The following LTA4H variants were observed in gnomAD, a reference collection of about 807,000 sequenced individuals.
The protein encoded by LTA4H is leukotriene A4 hydrolase.
Under a neutral mutation model 89.8 loss-of-function variants are expected in LTA4H, and 59 were observed. The observed-to-expected ratio is 0.66, with a 90% CI of 0.53 to 0.82. The LOEUF is 0.82. LTA4H is among the 40% of genes least tolerant of loss of function. The pLI is 0.00. For synonymous variants in LTA4H, 227 were observed against 253.1 expected (o/e 0.90, Z 0.98); for missense variants, 617 against 727.0 (o/e 0.85, Z 1.74).
At chr12:96,030,256 G>A (rs1291983022) in intron 1 of LTA4H, among the ~76,000 whole-genome samples, 1 of 151,954 alleles carries the variant, frequency 6.6e-6, no homozygotes, top group Admixed American at 6.6e-5. Flanking sequence ...TCAAAAATAT[G>A]GATATGTCCC....
intron 9 of LTA4H, 23 bp from the exon 10 acceptor site, chr12:96,017,137 TAGTA>T: frequency 6.7e-7 from 1 of 1,492,340 alleles, no homozygotes; most frequent in Non-Finnish European, 9.3e-7. Flanking sequence ...GTGTGATTAA[TAGTA>T]AGACTGATTA....
Position 96,027,517 on chromosome 12 carries a change from G to C in LTA4H, c.338C>G (p.Ser113Cys). The C allele has an allele frequency of 1.2e-6, 2 of 1,609,018 alleles. No individual in the cohort carries two copies. Among genetic ancestry groups the C allele is most frequent in the Non-Finnish European group, 8.5e-7 (1 of 1,175,890 alleles). Residue 113 changes from serine (S) to cysteine (C), a missense_variant, in exon 3 of 19, where the codon TCT becomes TGT. By Grantham distance (112) the Ser-to-Cys change is moderately radical. Transcript: ENST00000228740. Reference protein sequence around the residue: ...IEISFETSPKSSALQWLTPEQ... With the variant: ...IEISFETSPKCSALQWLTPEQ... ...AGGAGTGAGCCACTGGAGAGCAGAA[G>C]ATTTTGGAGAGGTCTCAAAAGAAAT...
intron 7 of LTA4H, 28 bp from the exon 8 acceptor site, chr12:96,018,931 A>G: frequency 1.3e-6 from 2 of 1,539,010 alleles, no homozygotes; most frequent in African/African-American, 2.8e-5. Flanking sequence ...ATATGTCTGT[A>G]TGCCTTAATT....
At position 96,006,358 on chromosome 12, in the gene LTA4H, A is replaced by G. The variant is rs1950202239; in HGVS notation, c.1486T>C (p.Ser496Pro). The change falls in exon 16 of 19, where the codon TCT (serine) becomes CCT (proline). Residue 496 changes from serine (S) to proline (P), a missense_variant. Ser to Pro is a moderately conservative substitution (Grantham distance 74). Coordinates refer to ENST00000228740, the MANE Select transcript of LTA4H (RefSeq NM_000895.3). Reference sequence around the variant, plus strand: ...AAAAACTCATTCAATTGATGAGAAGAGAGATCCTTCAGGTCTGTGGCATTG... The same window carrying G: ...AAAAACTCATTCAATTGATGAGAAGGGAGATCCTTCAGGTCTGTGGCATTG... ...SFNATDLKDL[S>P]SHQLNEFLAQ... 1 of 1,612,260 alleles carries G rather than the reference A, an allele frequency of 6.2e-7. No individual in the cohort carries two copies. The highest frequency in any genetic ancestry group is 8.5e-7 in the Non-Finnish European group (1 of 1,179,128).
At chr12:96,035,085 A>T (rs1189275185) in intron 1 of LTA4H, among the ~76,000 whole-genome samples, 1 of 152,128 alleles carries the variant, frequency 6.6e-6, no homozygotes, top group African/African-American at 2.4e-5. Context: ...CCTCGGAGAG[A>T]GGATCCAGGC....
At chr12:96,015,798 T>A in intron 10 of LTA4H, 104 bp from the exon 11 acceptor site, 1 of 764,186 alleles carries the variant, frequency 1.3e-6, no homozygotes. Flanking sequence ...AAAGCAGTTG[T>A]AAGGCATGAC....
At chr12:96,035,727 G>A (rs1950635111), upstream of LTA4H, 3 of 1,332,118 alleles carry the variant, frequency 2.3e-6, no homozygotes, top group Admixed American at 3.2e-5. Flanking sequence ...CGCGGCAAGC[G>A]GGCGCTTGGC....
At chr12:96,021,406 T>C (rs1326009391) in intron 5 of LTA4H, among the ~76,000 whole-genome samples, 1 of 152,198 alleles carries the variant, frequency 6.6e-6, no homozygotes, top group African/African-American at 2.4e-5. Context: ...AGATCACACA[T>C]ACTATTAAAA....
At chr12:96,027,610 G>C (rs1389669921) in intron 2 of LTA4H, 46 bp from the exon 3 acceptor site, 10 of 1,327,874 alleles carry the variant, frequency 7.5e-6, no homozygotes, top group Non-Finnish European at 9.5e-6. Context: ...ATTCCATCTA[G>C]TGAAAATTTA....
chr12:96,002,000 G>GGT (rs1333326309), intron 18 of LTA4H, among the ~76,000 whole-genome samples: 5 of 152,040 alleles, frequency 3.3e-5, no homozygotes, highest in Non-Finnish European at 7.4e-5. Flanking sequence ...TAGGATTACA[G>GGT]GTGCCTACCA....
At chr12:96,004,731 C>T (rs987358214) in intron 16 of LTA4H, among the ~76,000 whole-genome samples, 3 of 152,204 alleles carry the variant, frequency 2.0e-5, no homozygotes, top group Non-Finnish European at 4.4e-5. Context: ...ACTACTAATC[C>T]TGTCGCTAAT....
In LTA4H at chr12:96,001,011, C is replaced by T. The variant is rs771445978; in HGVS notation, c.1814G>A (p.Gly605Glu). The change falls in exon 19 of 19, where the codon GGG becomes GAG. Residue 605 changes from glycine to glutamate, a missense_variant. Physicochemically the swap from Gly to Glu is moderately conservative, Grantham distance 98. This residue lies in a region of LTA4H where 290 missense variants were observed against 339.1 expected (regional missense o/e 0.86). Coordinates refer to ENST00000228740, the MANE Select transcript of LTA4H (RefSeq NM_000895.3). Reference sequence around the variant, plus strand: ...TCTTTAATCCACTTTTAAGTCTTTCCCCACCAGCATTGCAGTCACGGGATG... The same window carrying T: ...TCTTTAATCCACTTTTAAGTCTTTCTCCACCAGCATTGCAGTCACGGGATG... The part of the protein sequence containing the change: ...SMHPVTAMLV[G>E]KDLKVD 8.7e-6 allele frequency: 14 copies of T among 1,613,262 alleles called. 1 individual carries two copies. In the South Asian group the frequency reaches 1.5e-4, roughly 18 times the overall value.
At chr12:96,040,778 T>C (rs1950681443) in intron 1 of LTA4H, among the ~76,000 whole-genome samples, 2 of 152,246 alleles carry the variant, frequency 1.3e-5, no homozygotes, top group Admixed American at 1.3e-4. Context: ...TAAGACAGTG[T>C]TATCTTGGGT....
Position 96,000,945 on chromosome 12 carries a change from C to T in LTA4H, c.*44G>A, listed in dbSNP as rs1334271804. On this transcript the variant is annotated 3_prime_UTR_variant, in exon 19 of 19. Coordinates refer to ENST00000228740, the MANE Select transcript of LTA4H (RefSeq NM_000895.3). ...AAGTTTTATATTTCTTTACGAATTC[C>T]ATTTAAAAAAGAGAAATCTCTAAAA... 4 of 1,287,860 alleles carry T rather than the reference C, an allele frequency of 3.1e-6. No individual in the cohort carries two copies. The East Asian group carries it at 9.3e-5, about 30-fold the overall frequency. The allele number at this position is 1,287,860 out of a possible 1,614,324, so 79.8% of individuals were successfully genotyped here.
At chr12:96,037,989 C>T (rs1054235404), upstream of LTA4H, among the ~76,000 whole-genome samples, 9 of 152,030 alleles carry the variant, frequency 5.9e-5, no homozygotes, top group Admixed American at 1.3e-4. Flanking sequence ...CGCGCCCGGC[C>T]GAGAAAGAAT....
chr12:96,027,065 A>T (rs535975064), intron 3 of LTA4H, among the ~76,000 whole-genome samples: 1 of 152,178 alleles, frequency 6.6e-6, no homozygotes, highest in Non-Finnish European at 1.5e-5. Flanking sequence ...TTGGAAATTA[A>T]ATCTTTCACT....
chr12:96,021,420 G>A (rs1950450801), intron 5 of LTA4H, among the ~76,000 whole-genome samples: 1 of 152,086 alleles, frequency 6.6e-6, no homozygotes, highest in Non-Finnish European at 1.5e-5. Context: ...ATTAAAAGGT[G>A]CATTTTGAGC....
At chr12:96,035,815 G>T (rs1180792623), upstream of LTA4H, among the ~76,000 whole-genome samples, 1 of 152,114 alleles carries the variant, frequency 6.6e-6, no homozygotes, top group Admixed American at 6.5e-5. Flanking sequence ...AGGGGAGTAG[G>T]GGCAGTTAGA....
chr12:96,035,740 C>T, upstream of LTA4H: 6 of 1,226,144 alleles, frequency 4.9e-6, no homozygotes, highest in South Asian at 5.4e-5. Flanking sequence ...CGCTTGGCTA[C>T]CTGGGAGCGT....
Sources: allele counts gnomAD v4.1 joint callset (sites outside exome capture counted in the v4.1 genomes callset), GRCh38; gene constraint gnomAD v4.1.1; regional missense constraint gnomAD v4.1.1; transcripts MANE v1.5; gene names NCBI Gene and HGNC (gene_info 2026-07-23, HGNC 2026-07-21).